Variants in SMOC1 observed in about 807,000 individuals in gnomAD.
SMOC1 encodes the protein SPARC related modular calcium binding 1, also known as SPARC-related modular calcium-binding protein 1.
A neutral mutation model predicts 56.3 loss-of-function variants in SMOC1; 22 were observed. That is an observed-to-expected ratio of 0.39 (90% CI 0.28 to 0.56). The LOEUF (loss-of-function observed/expected upper bound fraction) is 0.56, where lower values mean the gene tolerates loss of function less well. Ranked by LOEUF, SMOC1 falls within the 20% of genes least tolerant of loss-of-function variation. SMOC1 has a pLI of 0.61. For synonymous variants in SMOC1, 193 were observed against 215.0 expected (o/e 0.90, Z 0.89); for missense variants, 509 against 565.4 (o/e 0.90, Z 1.01).
chr14:69,997,117 C>T (rs1410003231), intron 7 of SMOC1, among the ~76,000 whole-genome samples: 1 of 152,138 alleles, frequency 6.6e-6, no homozygotes, highest in Non-Finnish European at 1.5e-5. Flanking sequence ...GAAATAGAAG[C>T]ATTTGGATGG....
In SMOC1 at chr14:69,916,954, A is replaced by G. The variant is rs1884702080; in HGVS notation, c.100-35184A>G. Among the ~76,000 whole-genome samples, 7 of 152,388 alleles carry G rather than the reference A, an allele frequency of 4.6e-5. No individual in the cohort carries two copies. The South Asian group carries it at 1.0e-3, about 23-fold the overall frequency. ...CTGAGATTTAGAACATGCTGGAAGC[A>G]TGCTGAGTGGATGAATTCTCATTTC... On this transcript the variant is annotated intron_variant, in intron 1 of 11. Transcript: ENST00000361956.
chr14:69,919,539 A>G (rs1352256075), intron 1 of SMOC1, among the ~76,000 whole-genome samples: 1 of 152,266 alleles, frequency 6.6e-6, no homozygotes, highest in Non-Finnish European at 1.5e-5. Context: ...ATCTGTGATG[A>G]TTTTACAAGT....
chr14:69,932,637 G>A (rs919777544), intron 1 of SMOC1, among the ~76,000 whole-genome samples: 1 of 152,158 alleles, frequency 6.6e-6, no homozygotes, highest in Non-Finnish European at 1.5e-5. Flanking sequence ...TATCACAGCC[G>A]GCCTCTGCTC....
chr14:69,991,846 A>G (rs1039340359), intron 5 of SMOC1, among the ~76,000 whole-genome samples: 59 of 152,046 alleles, frequency 3.9e-4, no homozygotes, highest in Non-Finnish European at 7.4e-4. Context: ...TGCTGGAGAG[A>G]GAATGGTTCT....
chr14:69,964,838 A>G (rs184977800), intron 3 of SMOC1, among the ~76,000 whole-genome samples: 1 of 152,140 alleles, frequency 6.6e-6, no homozygotes, highest in African/African-American at 2.4e-5. Context: ...GAAGCTGTGT[A>G]GCTTGCCCAG....
At position 69,958,238 on chromosome 14, in the gene SMOC1, C is replaced by G. The variant is rs148132762; in HGVS notation, c.378+4706C>G. 1.7e-4 allele frequency among the ~76,000 whole-genome samples: 26 copies of G among 152,268 alleles called. No individual in the cohort carries two copies. In the East Asian group the frequency reaches 5.0e-3, roughly 29 times the overall value. On this transcript the variant is annotated intron_variant, in intron 3 of 11. Coordinates refer to ENST00000361956, the MANE Select transcript of SMOC1 (RefSeq NM_001034852.3). ...ATTGCACCTGTGAATAGCCACTCCA[C>G]TCCAGCCTGGATAACATAGTGAGAC...
In SMOC1 at chr14:70,030,436, A is replaced by G; in HGVS notation, c.*178A>G. The G allele has an allele frequency of 7.2e-6, 5 of 696,896 alleles. No individual in the cohort carries two copies. In the Admixed American group the frequency reaches 8.8e-5, roughly 12 times the overall value. 43.2% of individuals were successfully genotyped at this position (696,896 alleles called of 1,614,324 possible). On this transcript the variant is annotated 3_prime_UTR_variant, in exon 12 of 12. Coordinates refer to ENST00000361956, the MANE Select transcript of SMOC1 (RefSeq NM_001034852.3). Reference sequence around the variant, plus strand: ...GTTTTGTTTTTGGTTTCATTTTAAAACACCAATATCTAATACCACAGTGGG... The same window carrying G: ...GTTTTGTTTTTGGTTTCATTTTAAAGCACCAATATCTAATACCACAGTGGG...
intron 1 of SMOC1, among the ~76,000 whole-genome samples, chr14:69,898,418 G>T (rs1884152801): frequency 6.6e-6 from 1 of 150,790 alleles, no homozygotes; most frequent in South Asian, 2.1e-4. Context: ...CATTATACAT[G>T]TTATACCTTT....
chr14:70,023,735 C>T (rs922042077), intron 11 of SMOC1, among the ~76,000 whole-genome samples: 5 of 152,152 alleles, frequency 3.3e-5, no homozygotes, highest in African/African-American at 4.8e-5. Flanking sequence ...TAGACCCATA[C>T]ATCATGGCTT....
intron 5 of SMOC1, among the ~76,000 whole-genome samples, chr14:69,985,981 G>A (rs1408628459): frequency 6.6e-6 from 1 of 152,196 alleles, no homozygotes; most frequent in East Asian, 1.9e-4. Flanking sequence ...ATCCGCGGTT[G>A]AAGGCATCCA....
intron 1 of SMOC1, among the ~76,000 whole-genome samples, chr14:69,892,105 G>A (rs1883978442): frequency 6.6e-6 from 1 of 152,190 alleles, no homozygotes; most frequent in Non-Finnish European, 1.5e-5. Context: ...TCAATCCACT[G>A]AACTTTTACA....
At chr14:70,005,342 A>T (rs1333910895) in intron 7 of SMOC1, among the ~76,000 whole-genome samples, 1 of 152,142 alleles carries the variant, frequency 6.6e-6, no homozygotes, top group Non-Finnish European at 1.5e-5. Flanking sequence ...GGCCTGGGCT[A>T]GTCCTAGCCG....
chr14:69,984,878 A>AACAC (rs1884311118), intron 5 of SMOC1, among the ~76,000 whole-genome samples: 6 of 151,210 alleles, frequency 4.0e-5, no homozygotes, highest in Admixed American at 4.0e-4. Flanking sequence ...CAAACAAACA[A>AACAC]ACAAAAACAA....
At chr14:69,992,062 G>A (rs1039291623) in intron 5 of SMOC1, among the ~76,000 whole-genome samples, 5 of 152,232 alleles carry the variant, frequency 3.3e-5, no homozygotes, top group African/African-American at 1.2e-4. Flanking sequence ...CCATAACTCA[G>A]GGCTGAGGGG....
intron 1 of SMOC1, among the ~76,000 whole-genome samples, chr14:69,918,026 G>C (rs1400437959): frequency 1.3e-5 from 2 of 152,120 alleles, no homozygotes; most frequent in Non-Finnish European, 2.9e-5. Flanking sequence ...TAACAAAAAT[G>C]TATATATGCA....
intron 7 of SMOC1, among the ~76,000 whole-genome samples, chr14:70,005,465 G>A (rs550040589): frequency 6.6e-6 from 1 of 152,182 alleles, no homozygotes; most frequent in South Asian, 2.1e-4. Flanking sequence ...TTCCTCTCCT[G>A]TCTCCTGCCC....
intron 1 of SMOC1, among the ~76,000 whole-genome samples, chr14:69,914,940 C>T (rs541709057): frequency 4.7e-4 from 72 of 152,132 alleles, no homozygotes; most frequent in African/African-American, 1.7e-3. Context: ...GATCTTGGCT[C>T]GCTGCAACCT....
chr14:69,907,585 G>A (rs141485591), intron 1 of SMOC1, among the ~76,000 whole-genome samples: 151 of 152,288 alleles, frequency 9.9e-4, no homozygotes, highest in African/African-American at 3.4e-3. Context: ...TACTATTTTA[G>A]CTCTAAGGGT....
intron 1 of SMOC1, among the ~76,000 whole-genome samples, chr14:69,944,792 G>T (rs1882720716): frequency 6.6e-6 from 1 of 152,146 alleles, no homozygotes; most frequent in Non-Finnish European, 1.5e-5. Context: ...GCTTCCTGGA[G>T]GCTAAGGCCA....
Sources: allele counts gnomAD v4.1 joint callset (sites outside exome capture counted in the v4.1 genomes callset), GRCh38; gene constraint gnomAD v4.1.1; transcripts MANE v1.5; gene names NCBI Gene and HGNC (gene_info 2026-07-23, HGNC 2026-07-21).